Variants in FBXW8 observed in about 807,000 individuals in gnomAD.
FBXW8 encodes the protein F-box and WD repeat domain containing 8.
A neutral mutation model predicts 65.3 loss-of-function variants in FBXW8; 57 were observed. The observed-to-expected ratio is 0.87, with a 90% CI of 0.71 to 1.09. FBXW8 has a LOEUF of 1.09. FBXW8 is among the 50% of genes least tolerant of loss of function. The pLI is 0.00. For missense variants in FBXW8, 777 were observed against 814.8 expected, an observed-to-expected ratio of 0.95 and a Z score of 0.57; for synonymous variants, 308 against 330.2, an observed-to-expected ratio of 0.93 and a Z score of 0.73.
In FBXW8 at chr12:117,028,327, A is replaced by G; in HGVS notation, c.*155A>G. 1.1e-6 allele frequency: 1 copy of G among 915,064 alleles called. No homozygotes were observed. Among genetic ancestry groups the G allele is most frequent in the Non-Finnish European group, 1.6e-6 (1 of 621,256 alleles). The allele number at this position is 915,064 out of a possible 1,614,324, so 56.7% of individuals were successfully genotyped here. A position where few individuals can be genotyped will look rare whatever the true frequency, so the allele number is the denominator to read the frequency against. ...CAGCACGCATCTCCCTGACCCCTGC[A>G]CTTCCCCCAGCGCCTGGGGCAAGCT... On this transcript the variant is annotated 3_prime_UTR_variant, in exon 11 of 11. Transcript: ENST00000652555. The surrounding 1 kb of genome is among the most constrained non-coding windows in gnomAD (Gnocchi z 4.1).
intron 7 of FBXW8, among the ~76,000 whole-genome samples, chr12:117,004,147 C>T (rs745760991): frequency 3.3e-5 from 5 of 152,178 alleles, no homozygotes; most frequent in Non-Finnish European, 7.3e-5. Flanking sequence ...TATTCCAGTC[C>T]ACAGTTTCTC....
chr12:116,949,444 C>T, intron 3 of FBXW8, 174 bp from the exon 4 acceptor site: 1 of 631,294 alleles, frequency 1.6e-6, no homozygotes, highest in East Asian at 2.8e-5. Context: ...CCATGCTTAA[C>T]AGCTTAGCAT....
intron 4 of FBXW8, among the ~76,000 whole-genome samples, chr12:116,954,905 C>T (rs1883538066): frequency 6.6e-6 from 1 of 152,098 alleles, no homozygotes; most frequent in Non-Finnish European, 1.5e-5. Context: ...CTGGCTCCAT[C>T]CCAGCCCCAC....
intron 4 of FBXW8, among the ~76,000 whole-genome samples, chr12:116,959,131 C>A (rs1366729014): frequency 6.6e-6 from 1 of 152,186 alleles, no homozygotes; most frequent in East Asian, 1.9e-4. Context: ...GCATGGGAGG[C>A]AACAGGTTGC....
intron 2 of FBXW8, among the ~76,000 whole-genome samples, chr12:116,941,596 G>T (rs1294374220): frequency 6.6e-6 from 1 of 152,214 alleles, no homozygotes; most frequent in Non-Finnish European, 1.5e-5. Flanking sequence ...GTTGAATAAG[G>T]TATTGTAATG....
In FBXW8 at chr12:117,008,432, T is replaced by C. The variant is rs187962032; in HGVS notation, c.1240-1891T>C. Among the ~76,000 whole-genome samples the C allele has an allele frequency of 4.5e-4, 68 of 152,382 alleles. No individual in the cohort carries two copies. In the East Asian group the frequency reaches 0.013, roughly 28 times the overall value. On this transcript the variant is annotated intron_variant, in intron 7 of 10. Transcript: ENST00000652555. ...TAAATTTACTCTTGATATTTTAAAA[T>C]TGTTGAAATGTTCTGCGTCAGAAAT...
At chr12:117,010,902 AAG>A (rs1343448987) in intron 8 of FBXW8, among the ~76,000 whole-genome samples, 2 of 152,312 alleles carry the variant, frequency 1.3e-5, no homozygotes, top group East Asian at 1.9e-4. Context: ...GATGGAAGGA[AAG>A]AGAGACTTCA....
chr12:116,934,833 C>T (rs1261369507), intron 2 of FBXW8, among the ~76,000 whole-genome samples: 1 of 152,112 alleles, frequency 6.6e-6, no homozygotes, highest in Non-Finnish European at 1.5e-5. Flanking sequence ...TGGAACTTTA[C>T]ATGGATGTAG....
At chr12:116,977,028 C>T (rs1052871552) in intron 5 of FBXW8, among the ~76,000 whole-genome samples, 22 of 152,154 alleles carry the variant, frequency 1.4e-4, no homozygotes, top group African/African-American at 4.8e-4. Flanking sequence ...CCCCAGACAT[C>T]GGGGCCTTGT....
intron 5 of FBXW8, chr12:116,979,019 C>G (rs1294773897): frequency 6.6e-6 from 1 of 152,010 alleles, no homozygotes; most frequent in Non-Finnish European, 1.5e-5. Flanking sequence ...ATTGTTTAGG[C>G]AAATAGCAGA....
intron 2 of FBXW8, among the ~76,000 whole-genome samples, chr12:116,943,935 G>A (rs557203208): frequency 3.3e-5 from 5 of 152,304 alleles, no homozygotes; most frequent in Admixed American, 6.5e-5. Flanking sequence ...ATAAAGACAA[G>A]CCTTGAGAAT....
intron 10 of FBXW8, 104 bp from the exon 11 acceptor site, chr12:117,027,924 C>T: frequency 6.8e-7 from 1 of 1,481,292 alleles, no homozygotes; most frequent in Non-Finnish European, 9.2e-7. Flanking sequence ...TGAAGCTGAA[C>T]CTCTATCTGG....
At chr12:116,990,556 C>G (rs1953215240) in intron 7 of FBXW8, among the ~76,000 whole-genome samples, 1 of 152,094 alleles carries the variant, frequency 6.6e-6, no homozygotes, top group Non-Finnish European at 1.5e-5. Flanking sequence ...TTTTAGAGCT[C>G]TCAGTATAGA....
rs1365340061 is a variant in FBXW8, at chr12:116,945,390, A to C, written c.450A>C (p.Ala150=). Residue 150 remains alanine (A), a synonymous_variant, in exon 3 of 11, where the codon GCA becomes GCC. Coordinates refer to ENST00000652555, the MANE Select transcript of FBXW8 (RefSeq NM_153348.3). ...TGAGCAAGACGTGGAAGGTGATTGC[A>C]GAGGATGAGGTGCTGTGGTACAGGC... ...AQVSKTWKVI[A]EDEVLWYRLC... The C allele has an allele frequency of 6.2e-7, 1 of 1,613,446 alleles. No homozygotes were observed.
intron 3 of FBXW8, chr12:116,949,372 G>A: frequency 1.9e-6 from 1 of 516,058 alleles, no homozygotes; most frequent in Admixed American, 3.2e-5. Context: ...TGGAGGATGG[G>A]GCAATGTCTC....
intron 2 of FBXW8, among the ~76,000 whole-genome samples, chr12:116,944,468 G>A (rs1431256858): frequency 1.3e-5 from 2 of 152,160 alleles, no homozygotes; most frequent in East Asian, 1.9e-4. Flanking sequence ...AAAGAGTACA[G>A]GGTACTGTAA....
intron 2 of FBXW8, among the ~76,000 whole-genome samples, chr12:116,941,911 T>C (rs1271084068): frequency 2.0e-5 from 3 of 152,214 alleles, no homozygotes; most frequent in African/African-American, 7.2e-5. Flanking sequence ...CTAATTCCAG[T>C]AGTGCACCAA....
At chr12:116,958,947 C>T (rs1883817753) in intron 4 of FBXW8, among the ~76,000 whole-genome samples, 1 of 152,198 alleles carries the variant, frequency 6.6e-6, no homozygotes, top group Admixed American at 6.5e-5. Flanking sequence ...ACAAACGAAA[C>T]CATTTGCTGT....
intron 7 of FBXW8, among the ~76,000 whole-genome samples, chr12:117,000,741 G>C (rs1292856326): frequency 6.6e-6 from 1 of 152,210 alleles, no homozygotes. Flanking sequence ...CCTGTGTAAA[G>C]GGAGTAAAAT....
Sources: allele counts gnomAD v4.1 joint callset (sites outside exome capture counted in the v4.1 genomes callset), GRCh38; gene constraint gnomAD v4.1.1; non-coding constraint Gnocchi (gnomAD v3.1); transcripts MANE v1.5; gene names NCBI Gene and HGNC (gene_info 2026-07-23, HGNC 2026-07-21).